The following DSCAM variants were observed in gnomAD, a reference collection of about 807,000 sequenced individuals.
DSCAM encodes DS cell adhesion molecule, also known as cell adhesion molecule DSCAM.
In DSCAM, 47 loss-of-function variants were observed where a neutral mutation model predicts 217.7. The ratio of observed to expected loss-of-function variants is 0.22; its 90% CI spans 0.17 to 0.28. DSCAM has a LOEUF of 0.28. Ranked by LOEUF, DSCAM falls within the 10% of genes least tolerant of loss-of-function variation. The pLI is 1.00. For synonymous variants in DSCAM, 1,056 were observed against 1,015.3 expected (o/e 1.04, Z -0.76); for missense variants, 2,080 against 2,618.3 (o/e 0.79, Z 4.49).
intron 11 of DSCAM, among the ~76,000 whole-genome samples, chr21:40,236,130 C>T (rs370661865): frequency 7.4e-4 from 112 of 152,258 alleles, no homozygotes; most frequent in African/African-American, 2.6e-3. Flanking sequence ...AAGAAGAATT[C>T]TAAACCTTGA....
chr21:40,150,045 CTG>C (rs1278739213), intron 16 of DSCAM, among the ~76,000 whole-genome samples: 4 of 152,344 alleles, frequency 2.6e-5, no homozygotes, highest in Admixed American at 2.6e-4. Context: ...TTATTGAACA[CTG>C]TTTTTTCCCA....
rs373256686 is a variant in DSCAM, at chr21:40,045,817, T to G, written c.5186-1542A>C. Among the ~76,000 whole-genome samples, 7 of 152,350 alleles carry G rather than the reference T, an allele frequency of 4.6e-5. No individual in the cohort carries two copies. In the East Asian group the frequency reaches 1.4e-3, roughly 29 times the overall value. ...AAACTGACAGGGCCGGCCTGTAATGTTATTGCACCGATTTATTTATGTGCT... is the reference window on the plus strand; with the variant it reads ...AAACTGACAGGGCCGGCCTGTAATGGTATTGCACCGATTTATTTATGTGCT... On this transcript the variant is annotated intron_variant, in intron 30 of 32. Coordinates refer to ENST00000400454, the MANE Select transcript of DSCAM (RefSeq NM_001389.5).
intron 29 of DSCAM, among the ~76,000 whole-genome samples, chr21:40,055,402 T>C (rs2088998651): frequency 6.6e-6 from 1 of 152,148 alleles, no homozygotes; most frequent in Admixed American, 6.5e-5. Flanking sequence ...GTGTAGTCGA[T>C]TACAGATGTT....
intron 11 of DSCAM, among the ~76,000 whole-genome samples, chr21:40,214,735 C>CA (rs1209648217): frequency 0.14 from 9,406 of 67,274 alleles, 490 homozygotes; most frequent in East Asian, 0.28. Context: ...GCAACAACAG[C>CA]AAAAAAAAAA....
At chr21:40,286,755 G>A (rs2073830230) in intron 10 of DSCAM, among the ~76,000 whole-genome samples, 1 of 151,876 alleles carries the variant, frequency 6.6e-6, no homozygotes. Context: ...GTGATCTGCA[G>A]TGTGATCCAC....
intron 1 of DSCAM, among the ~76,000 whole-genome samples, chr21:40,769,981 ATC>A (rs956297125): frequency 2.9e-4 from 44 of 152,194 alleles, no homozygotes; most frequent in Middle Eastern, 3.4e-3. Flanking sequence ...ATTGTGCCCA[ATC>A]TCTCTCGCCC....
intron 1 of DSCAM, among the ~76,000 whole-genome samples, chr21:40,814,854 C>T (rs544897276): frequency 4.0e-5 from 6 of 151,898 alleles, no homozygotes; most frequent in Non-Finnish European, 7.4e-5. Flanking sequence ...GATTACCTCA[C>T]GGTAAAGGAA....
intron 3 of DSCAM, among the ~76,000 whole-genome samples, chr21:40,470,085 A>G (rs1844947884): frequency 6.6e-6 from 1 of 152,270 alleles, no homozygotes; most frequent in Admixed American, 6.5e-5. Flanking sequence ...AGTATAGCAC[A>G]TCAATTTTTA....
intron 11 of DSCAM, among the ~76,000 whole-genome samples, chr21:40,192,784 C>T (rs2090965773): frequency 6.6e-6 from 1 of 152,162 alleles, no homozygotes; most frequent in African/African-American, 2.4e-5. Context: ...GATATTGCAG[C>T]ACACGGATAT....
At chr21:40,736,160 T>C (rs1181482590) in intron 1 of DSCAM, among the ~76,000 whole-genome samples, 4 of 152,138 alleles carry the variant, frequency 2.6e-5, no homozygotes, top group Non-Finnish European at 4.4e-5. Context: ...GAGAGATGCA[T>C]AGGGCAAGGT....
At chr21:40,340,427 A>G (rs138116943) in intron 6 of DSCAM, among the ~76,000 whole-genome samples, 7 of 152,324 alleles carry the variant, frequency 4.6e-5, no homozygotes, top group Non-Finnish European at 1.0e-4. Flanking sequence ...CCATTTATAA[A>G]AAGAAATACA....
Position 40,017,123 on chromosome 21 carries a change from A to G in DSCAM, c.5687-3737T>C, listed in dbSNP as rs139046450. Among the ~76,000 whole-genome samples the G allele has an allele frequency of 4.0e-3, 614 of 151,824 alleles. 3 individuals carry two copies. Among genetic ancestry groups the G allele is most frequent in the African/African-American group, 0.014 (565 of 41,424 alleles). On this transcript the variant is annotated intron_variant, in intron 32 of 32. Coordinates refer to ENST00000400454, the MANE Select transcript of DSCAM (RefSeq NM_001389.5). ...CATCTCAAAAAAAAAAAAAAAAAGT[A>G]TAAGAGAACTAAAAATAAATATGGC... is the stretch of plus-strand genomic sequence containing the variant.
At chr21:40,642,567 G>T (rs1164726296) in intron 3 of DSCAM, among the ~76,000 whole-genome samples, 1 of 152,056 alleles carries the variant, frequency 6.6e-6, no homozygotes, top group Non-Finnish European at 1.5e-5. Flanking sequence ...AAGCTCTCCT[G>T]TAATTCTATT....
intron 16 of DSCAM, among the ~76,000 whole-genome samples, chr21:40,157,768 G>T (rs538041062): frequency 1.2e-3 from 179 of 151,446 alleles, no homozygotes; most frequent in African/African-American, 4.2e-3. Flanking sequence ...CATCTCAGCT[G>T]ACTGCAGCCT....
intron 3 of DSCAM, among the ~76,000 whole-genome samples, chr21:40,678,345 A>G (rs549558598): frequency 6.7e-4 from 102 of 152,330 alleles, no homozygotes; most frequent in Non-Finnish European, 1.4e-3. Context: ...TGAACACAGA[A>G]CTAGTGCAGA....
At chr21:40,015,152 C>T (rs996211370) in intron 32 of DSCAM, among the ~76,000 whole-genome samples, 1 of 152,144 alleles carries the variant, frequency 6.6e-6, no homozygotes, top group African/African-American at 2.4e-5. Flanking sequence ...TTCCATTTTG[C>T]TCTTTCTCCT....
rs145561906 is a variant in DSCAM at position 40,126,056 on chromosome 21, G to A, written c.3563-1728C>T. Among the ~76,000 whole-genome samples the A allele has an allele frequency of 5.9e-3, 904 of 152,294 alleles. 6 individuals carry two copies. Among genetic ancestry groups the A allele is most frequent in the Non-Finnish European group, 0.01 (703 of 68,026 alleles). On this transcript the variant is annotated intron_variant, in intron 19 of 32. Transcript: ENST00000400454. Reference sequence around the variant, plus strand: ...TCCAACCTGTTTGTGACAATTGTACGTGTCATGGGTAGTACTGTAAGTTAA... The same window carrying A: ...TCCAACCTGTTTGTGACAATTGTACATGTCATGGGTAGTACTGTAAGTTAA...
At chr21:40,088,688 G>A (rs2043406221) in intron 21 of DSCAM, among the ~76,000 whole-genome samples, 1 of 152,214 alleles carries the variant, frequency 6.6e-6, no homozygotes, top group African/African-American at 2.4e-5. Flanking sequence ...TGATTAGGCA[G>A]CATCAGATTT....
In DSCAM at chr21:40,360,121, G is replaced by GTTTTTTTTT. The variant is rs764160478; in HGVS notation, c.656-6379_656-6378insAAAAAAAAA. On this transcript the variant is annotated intron_variant, in intron 4 of 32. Transcript: ENST00000400454. Reference sequence around the variant, plus strand: ...TAGTGAGCATGGTACTTCATAGGTAGTCTTTTTTTTTTTTTTTTTTTTTTT... The same window carrying GTTTTTTTTT: ...TAGTGAGCATGGTACTTCATAGGTAGTTTTTTTTTTCTTTTTTTTTTTTTTTTTTTTTTT... Among the ~76,000 whole-genome samples, 53 of 82,632 alleles carry GTTTTTTTTT rather than the reference G, an allele frequency of 6.4e-4. 20 individuals carry two copies. Among genetic ancestry groups the GTTTTTTTTT allele is most frequent in the African/African-American group, 2.3e-3 (46 of 19,922 alleles). The allele number at this position is 82,632 out of a possible 152,430, so 54.2% of individuals were successfully genotyped here.
Sources: gnomAD v4.1 joint callset for allele counts (sites outside exome capture counted in the v4.1 genomes callset) on GRCh38, gnomAD v4.1.1 for gene constraint, MANE v1.5 for transcripts, NCBI Gene and HGNC (gene_info 2026-07-23, HGNC 2026-07-21) for gene names.